DKC1: variants seen among roughly 807,000 people sequenced by gnomAD.
DKC1 encodes the protein dyskerin pseudouridine synthase 1, also known as H/ACA ribonucleoprotein complex subunit DKC1.
A neutral mutation model predicts 46.7 loss-of-function variants in DKC1; 4 were observed. The observed-to-expected ratio is 0.09, with a 90% CI of 0.04 to 0.20. The LOEUF (loss-of-function observed/expected upper bound fraction) is 0.20. DKC1 is among the 10% of genes least tolerant of loss of function. The pLI is 1.00. For synonymous variants in DKC1, 141 were observed against 142.4 expected (o/e 0.99, Z 0.07); for missense variants, 171 against 404.2 (o/e 0.42, Z 4.95).
chrX:154,775,931 G>A (rs1361067622), intron 13 of DKC1, among the ~76,000 whole-genome samples: 6 of 111,925 alleles, frequency 5.4e-5, no homozygotes, highest in Non-Finnish European at 1.1e-4. Context: ...CAGCTCCTCC[G>A]GGCCTTTCCA....
chrX:154,765,768 T>C (rs1432813349), intron 3 of DKC1, 139 bp from the exon 4 acceptor site: 3 of 566,686 alleles, frequency 5.3e-6, no homozygotes, highest in Non-Finnish European at 9.2e-6. Flanking sequence ...TTGCTGAGTT[T>C]GTCAACAGTT....
chrX:154,775,087 G>A (rs199881721), intron 12 of DKC1, 108 bp from the exon 13 acceptor site: 70 of 749,960 alleles, frequency 9.3e-5, no homozygotes, highest in Non-Finnish European at 1.3e-4. Context: ...TCTGTCCAGC[G>A]TCAGTATTTT....
Position 154,775,136 on chromosome X carries a change from A to G in DKC1, c.1260-59A>G, listed in dbSNP as rs374507614. The G allele has an allele frequency of 7.9e-5, 84 of 1,065,066 alleles. No individual in the cohort carries two copies. In the African/African-American group the frequency reaches 1.5e-3, roughly 19 times the overall value. 87.8% of individuals were successfully genotyped at this position (1,065,066 alleles called of 1,213,427 possible). A position where few individuals can be genotyped will look rare whatever the true frequency, so the allele number is the denominator to read the frequency against. On this transcript the variant is annotated intron_variant, in intron 12 of 14. Coordinates refer to ENST00000369550, the MANE Select transcript of DKC1 (RefSeq NM_001363.5). ...GACTTGCCAGATAACACTACATAAC[A>G]TCAGTACTGCCCTGGAAAGCCATTC...
intron 14 of DKC1, 138 bp from the exon 15 acceptor site, chrX:154,776,661 C>A: frequency 1.6e-6 from 1 of 641,675 alleles, no homozygotes; most frequent in Non-Finnish European, 2.6e-6. Flanking sequence ...GTGTCACATG[C>A]AGCATTTAAC....
chrX:154,774,949 C>T (rs781950023), intron 12 of DKC1: 1 of 573,853 alleles, frequency 1.7e-6, no homozygotes, highest in Non-Finnish European at 3.2e-6. Flanking sequence ...AGCTCTTCAG[C>T]TCCCGTGAGA....
intron 9 of DKC1, 132 bp downstream of exon 9, chrX:154,769,442 A>G (rs1373481746): frequency 1.3e-6 from 1 of 747,027 alleles, no homozygotes; most frequent in Non-Finnish European, 2.0e-6. Context: ...TTTAAAGTAA[A>G]AGTTTAATGG....
At chrX:154,771,099 CTTAAGTTA>C (rs1450029906) in intron 10 of DKC1, among the ~76,000 whole-genome samples, 2 of 108,915 alleles carry the variant, frequency 1.8e-5, no homozygotes, top group African/African-American at 6.7e-5. Flanking sequence ...AAAATATACA[CTTAAGTTA>C]TTATTGATTA....
intron 3 of DKC1, 41 bp from the exon 4 acceptor site, chrX:154,765,866 C>T (rs372724285): frequency 1.9e-6 from 2 of 1,046,080 alleles, no homozygotes; most frequent in East Asian, 3.0e-5. Flanking sequence ...CATGTGCTCA[C>T]GACATGGTAT....
Position 154,770,887 on chromosome X carries a change from G to A in DKC1, c.1036+8G>A, listed in dbSNP as rs782446632. Reference sequence around the variant, plus strand: ...GAGAAGCAATCTGCATGGGTAAGAGGGGATGTTTATTTTTTAAATTCTAAA... The same window carrying A: ...GAGAAGCAATCTGCATGGGTAAGAGAGGATGTTTATTTTTTAAATTCTAAA... On this transcript the variant is annotated splice_region_variant and intron_variant, in intron 10 of 14. Coordinates refer to ENST00000369550, the MANE Select transcript of DKC1 (RefSeq NM_001363.5). The A allele has an allele frequency of 7.5e-6, 9 of 1,207,999 alleles. No homozygotes were observed. In the African/African-American group the frequency reaches 1.6e-4, roughly 21 times the overall value.
chrX:154,771,807 G>A (rs2071830141), intron 10 of DKC1, among the ~76,000 whole-genome samples: 2 of 111,963 alleles, frequency 1.8e-5, no homozygotes, highest in African/African-American at 6.5e-5. Flanking sequence ...CACTTCGGTT[G>A]CTTCCAAATC....
intron 10 of DKC1, among the ~76,000 whole-genome samples, chrX:154,772,477 T>G (rs191786086): frequency 8.9e-6 from 1 of 112,439 alleles, no homozygotes; most frequent in Admixed American, 9.4e-5. Flanking sequence ...CCATACTGTT[T>G]TGGTTACTGT....
intron 4 of DKC1, 72 bp from the exon 5 acceptor site, chrX:154,766,144 C>G: frequency 1.8e-6 from 2 of 1,111,962 alleles, no homozygotes; most frequent in Non-Finnish European, 1.2e-6. Flanking sequence ...TTCTTTTTAA[C>G]TTTTCAGATT....
chrX:154,764,846 T>C (rs903674446), intron 1 of DKC1, 53 bp from the exon 2 acceptor site: 5 of 983,331 alleles, frequency 5.1e-6, no homozygotes, highest in South Asian at 1.9e-5. Flanking sequence ...TTTTAAACCC[T>C]TGTTTCATTT....
intron 14 of DKC1, 73 bp from the exon 15 acceptor site, chrX:154,776,726 A>G (rs1557265753): frequency 9.5e-7 from 1 of 1,047,713 alleles, no homozygotes; most frequent in Non-Finnish European, 1.3e-6. Flanking sequence ...GACCTTTACC[A>G]GATTTCCTTC....
rs2071755872 is a variant in DKC1, at chrX:154,767,114, C to T, written c.513+53C>T. ...CCTTTGTTGACTTGGATCTCTGAGC[C>T]CCTAAACATCTGGAGATGGGTTAGC... On this transcript the variant is annotated intron_variant, in intron 6 of 14. Transcript: ENST00000369550. 8.5e-6 allele frequency: 10 copies of T among 1,179,594 alleles called. No individual in the cohort carries two copies. In the East Asian group the frequency reaches 3.0e-4, roughly 35 times the overall value.
At position 154,774,586 on chromosome X, in the gene DKC1, C is replaced by T; in HGVS notation, c.1156-16C>T. On this transcript the variant is annotated splice_polypyrimidine_tract_variant and intron_variant, in intron 11 of 14. Transcript: ENST00000369550. ...ATTGACACCATTCTAATGTTGACAC[C>T]TTGATGTTCCACCAGGCAAGTCAGA... 1 of 1,199,721 alleles carries T rather than the reference C, an allele frequency of 8.3e-7. No individual in the cohort carries two copies. The highest frequency in any genetic ancestry group is 1.8e-5 in the South Asian group (1 of 56,585).
At chrX:154,773,890 G>A (rs1201990323) in intron 11 of DKC1, among the ~76,000 whole-genome samples, 6 of 111,179 alleles carry the variant, frequency 5.4e-5, no homozygotes, top group African/African-American at 1.3e-4. Flanking sequence ...GGGCAGAGGC[G>A]CCCCTCACCT....
Position 154,776,219 on chromosome X carries a change from G to A in DKC1, c.1371G>A (p.Glu457=). ...RKRESESESD[E]TPPAAPQLIK... is the part of the protein sequence containing the mutation. ...GAGAGAGTGAGAGTGAAAGTGACGAGACTCCTCCAGCAGCTCCTCAGTTGA... is the reference window on the plus strand; with the variant it reads ...GAGAGAGTGAGAGTGAAAGTGACGAAACTCCTCCAGCAGCTCCTCAGTTGA... Residue 457 remains glutamate, a synonymous_variant, in exon 14 of 15, where the codon GAG becomes GAA. Coordinates refer to ENST00000369550, the MANE Select transcript of DKC1 (RefSeq NM_001363.5). 1 of 1,211,855 alleles carries A rather than the reference G, an allele frequency of 8.3e-7. No homozygotes were observed. Among genetic ancestry groups the A allele is most frequent in the Non-Finnish European group, 1.1e-6 (1 of 895,393 alleles).
At chrX:154,763,404 G>A (rs782668728) in intron 1 of DKC1, among the ~76,000 whole-genome samples, 2 of 112,345 alleles carry the variant, frequency 1.8e-5, no homozygotes, top group Non-Finnish European at 3.8e-5. Flanking sequence ...CAGGGATAGA[G>A]CTCCGAGTTG....
Sources: allele counts gnomAD v4.1 joint callset (sites outside exome capture counted in the v4.1 genomes callset), GRCh38; gene constraint gnomAD v4.1.1; transcripts MANE v1.5; gene names NCBI Gene and HGNC (gene_info 2026-07-23, HGNC 2026-07-21).